BMAL2: variants seen among roughly 807,000 people sequenced by gnomAD.
BMAL2 encodes the protein basic helix-loop-helix ARNT like 2, also known as basic helix-loop-helix ARNT-like protein 2.
the BMAL2 span, among the ~76,000 whole-genome samples, chr12:27,398,883 G>A: frequency 6.6e-6 from 1 of 152,138 alleles, no homozygotes; most frequent in Non-Finnish European, 1.5e-5. Context: ...ATTTTTAACT[G>A]CCATCTAGCT....
the BMAL2 span, among the ~76,000 whole-genome samples, chr12:27,343,063 T>C: frequency 1.3e-5 from 2 of 152,260 alleles, no homozygotes; most frequent in East Asian, 3.8e-4. Flanking sequence ...TAATTTTCTT[T>C]CGCTGTTTCT....
chr12:27,354,058 C>T, the BMAL2 span, among the ~76,000 whole-genome samples: 8 of 152,196 alleles, frequency 5.3e-5, no homozygotes, highest in Non-Finnish European at 1.2e-4. Flanking sequence ...CTAGCAATCC[C>T]ATTACTAGGT....
chr12:27,401,868 T>G, the BMAL2 span, among the ~76,000 whole-genome samples: 3 of 152,260 alleles, frequency 2.0e-5, no homozygotes, highest in African/African-American at 7.2e-5. Flanking sequence ...AGTTTTCATT[T>G]CTGTAATACA....
the BMAL2 span, chr12:27,402,787 T>C: frequency 9.9e-7 from 1 of 1,015,208 alleles, no homozygotes; most frequent in Admixed American, 2.8e-5. Flanking sequence ...AAATTAAAAG[T>C]AGTTCTGCAG....
At chr12:27,361,673 T>C in the BMAL2 span, among the ~76,000 whole-genome samples, 1 of 152,292 alleles carries the variant, frequency 6.6e-6, no homozygotes, top group South Asian at 2.1e-4. Context: ...TTTTACTCCT[T>C]AAATTATGAG....
the BMAL2 span, among the ~76,000 whole-genome samples, chr12:27,337,541 C>A: frequency 6.6e-6 from 1 of 152,164 alleles, no homozygotes; most frequent in African/African-American, 2.4e-5. Context: ...CTGGAATACC[C>A]CTGCCCTCCC....
At chr12:27,410,296 G>C in the BMAL2 span, among the ~76,000 whole-genome samples, 1 of 152,168 alleles carries the variant, frequency 6.6e-6, no homozygotes, top group South Asian at 2.1e-4. Flanking sequence ...ACATACACAC[G>C]TATGTTTATT....
the BMAL2 span, chr12:27,418,212 G>A: frequency 6.4e-7 from 1 of 1,567,206 alleles, no homozygotes; most frequent in Non-Finnish European, 8.7e-7. Context: ...TTTTCTTTGG[G>A]AACTGCTGAC....
the BMAL2 span, among the ~76,000 whole-genome samples, chr12:27,376,619 A>G: frequency 1.3e-5 from 2 of 152,212 alleles, no homozygotes; most frequent in Admixed American, 1.3e-4. Context: ...AGCTTAAAAA[A>G]AAACCTATTA....
the BMAL2 span, chr12:27,402,487 A>G: frequency 1.5e-6 from 1 of 653,682 alleles, no homozygotes; most frequent in Non-Finnish European, 2.5e-6. Context: ...TGGTGGTGAT[A>G]CTAACAATAT....
the BMAL2 span, among the ~76,000 whole-genome samples, chr12:27,367,383 T>G: frequency 0.021 from 3,172 of 152,314 alleles, 107 homozygotes; most frequent in African/African-American, 0.073. Flanking sequence ...AATTTTCCAT[T>G]TAATATTTTC....
the BMAL2 span, among the ~76,000 whole-genome samples, chr12:27,414,985 T>A: frequency 2.6e-5 from 4 of 152,140 alleles, no homozygotes; most frequent in African/African-American, 9.7e-5. Flanking sequence ...TGAAACATAC[T>A]GCATCATCTC....
the BMAL2 span, chr12:27,402,478 G>T: frequency 1.5e-5 from 9 of 617,092 alleles, no homozygotes; most frequent in Non-Finnish European, 2.5e-5. Context: ...CTTGATTTCT[G>T]GTGGTGATAC....
chr12:27,361,775 A>T, the BMAL2 span, among the ~76,000 whole-genome samples: 2 of 152,188 alleles, frequency 1.3e-5, no homozygotes, highest in African/African-American at 4.8e-5. Context: ...TCACTAACCC[A>T]TATTTTCCTT....
the BMAL2 span, among the ~76,000 whole-genome samples, chr12:27,418,633 AT>A: frequency 4.0e-5 from 6 of 151,518 alleles, no homozygotes; most frequent in East Asian, 1.9e-4. Flanking sequence ...ATAAATAAAT[AT>A]TTTTTTTGTT....
chr12:27,333,428 G>C, the BMAL2 span, among the ~76,000 whole-genome samples: 1 of 152,244 alleles, frequency 6.6e-6, no homozygotes, highest in Non-Finnish European at 1.5e-5. Context: ...CCTTGCACCC[G>C]GCGCTGGGAG....
At chr12:27,360,803 CAAAAAAAA>C in the BMAL2 span, among the ~76,000 whole-genome samples, 62 of 46,792 alleles carry the variant, frequency 1.3e-3, no homozygotes, top group Admixed American at 3.2e-3. Context: ...GTGATTTGTC[CAAAAAAAA>C]AAAAAAAAAA....
At chr12:27,415,071 G>T in the BMAL2 span, among the ~76,000 whole-genome samples, 1,119 of 152,282 alleles carry the variant, frequency 7.3e-3, 15 homozygotes, top group African/African-American at 0.025. Context: ...TAGAGGCAGG[G>T]AGGGCATGGA....
the BMAL2 span, among the ~76,000 whole-genome samples, chr12:27,378,694 A>G: frequency 3.3e-5 from 5 of 152,286 alleles, no homozygotes; most frequent in Middle Eastern, 0.014. Context: ...GTTTTATGCA[A>G]GGGGATTAGG....
Sources: allele counts gnomAD v4.1 joint callset (sites outside exome capture counted in the v4.1 genomes callset), GRCh38; gene constraint gnomAD v4.1.1; transcripts MANE v1.5; gene names NCBI Gene and HGNC (gene_info 2026-07-23, HGNC 2026-07-21).